The following RNF150 variants were observed in gnomAD, a reference collection of about 807,000 sequenced individuals.
RNF150 encodes the protein ring finger protein 150.
Under a neutral mutation model 39.3 loss-of-function variants are expected in RNF150, and 24 were observed. The observed-to-expected ratio is 0.61, with a 90% confidence interval of 0.44 to 0.86. RNF150 has a LOEUF of 0.86. RNF150 is among the 40% of genes least tolerant of loss of function. The probability of loss-of-function intolerance (pLI) is 0.00; values close to 1 mark genes in which losing one functional copy is unlikely to be tolerated. For missense variants in RNF150, 502 were observed against 587.8 expected (o/e 0.85, Z 1.51); for synonymous variants, 255 against 227.3 (o/e 1.12, Z -1.10).
chr4:141,210,971 C>G (rs1240081509), intron 1 of RNF150, among the ~76,000 whole-genome samples: 1 of 152,134 alleles, frequency 6.6e-6, no homozygotes, highest in African/African-American at 2.4e-5. Flanking sequence ...TTCCCTTCCT[C>G]AATTTTCTTG....
At chr4:140,956,660 C>T (rs958567929) in intron 2 of RNF150, among the ~76,000 whole-genome samples, 2 of 152,120 alleles carry the variant, frequency 1.3e-5, no homozygotes, top group African/African-American at 2.4e-5. Flanking sequence ...AACTATACTA[C>T]AAGGCTACAG....
intron 1 of RNF150, among the ~76,000 whole-genome samples, chr4:141,182,968 G>A: frequency 6.6e-6 from 1 of 151,918 alleles, no homozygotes; most frequent in East Asian, 1.9e-4. Context: ...GCCTGGTACT[G>A]GTACCAAAAC....
intron 6 of RNF150, 119 bp from the exon 7 acceptor site, chr4:140,868,498 A>G: frequency 3.1e-6 from 2 of 654,636 alleles, no homozygotes. Context: ...TATTAGAAAA[A>G]TTGGGTATTC....
intron 1 of RNF150, among the ~76,000 whole-genome samples, chr4:141,162,837 A>G (rs1039598966): frequency 5.3e-5 from 8 of 152,150 alleles, no homozygotes; most frequent in African/African-American, 2.4e-5. Context: ...TCAAGTGCCT[A>G]TGCCACCAGG....
intron 1 of RNF150, among the ~76,000 whole-genome samples, chr4:141,188,029 T>G (rs1040960778): frequency 1.3e-5 from 2 of 152,212 alleles, no homozygotes; most frequent in Non-Finnish European, 2.9e-5. Context: ...AGAGCTCTTG[T>G]AAGGCAAGCC....
chr4:141,032,019 T>TAC (rs1235902916), intron 1 of RNF150, among the ~76,000 whole-genome samples: 1 of 151,732 alleles, frequency 6.6e-6, no homozygotes, highest in Non-Finnish European at 1.5e-5. Flanking sequence ...TGTATATATG[T>TAC]ATATATATAC....
At chr4:140,970,110 T>G (rs915357886) in intron 1 of RNF150, among the ~76,000 whole-genome samples, 1 of 152,156 alleles carries the variant, frequency 6.6e-6, no homozygotes, top group African/African-American at 2.4e-5. Flanking sequence ...CCTCTATGGC[T>G]TCCAGTTTTG....
At chr4:140,968,583 A>C (rs1429190251) in intron 1 of RNF150, among the ~76,000 whole-genome samples, 2 of 151,852 alleles carry the variant, frequency 1.3e-5, no homozygotes, top group Non-Finnish European at 2.9e-5. Context: ...CACAAGGCAC[A>C]TACCAAGCAA....
At chr4:141,090,268 A>G (rs1738529454) in intron 1 of RNF150, among the ~76,000 whole-genome samples, 1 of 152,192 alleles carries the variant, frequency 6.6e-6, no homozygotes, top group Non-Finnish European at 1.5e-5. Context: ...CATTTTCATG[A>G]GAGGGAAGCT....
At chr4:141,012,982 C>T (rs183911643) in intron 1 of RNF150, among the ~76,000 whole-genome samples, 11 of 152,176 alleles carry the variant, frequency 7.2e-5, no homozygotes, top group Admixed American at 7.2e-4. Context: ...CAAATGCAAC[C>T]ATTGGCCCTT....
intron 2 of RNF150, among the ~76,000 whole-genome samples, chr4:140,960,777 A>G (rs868116047): frequency 6.6e-6 from 1 of 152,140 alleles, no homozygotes; most frequent in African/African-American, 2.4e-5. Flanking sequence ...TGTAGACTAA[A>G]CTATATGTAA....
chr4:141,116,520 G>C (rs1024990077), intron 1 of RNF150, among the ~76,000 whole-genome samples: 4 of 152,186 alleles, frequency 2.6e-5, no homozygotes, highest in Middle Eastern at 3.2e-3. Context: ...GGAGAAACAG[G>C]AATGCTTTTA....
chr4:140,881,755 C>T (rs997602687), intron 6 of RNF150, among the ~76,000 whole-genome samples: 1 of 152,042 alleles, frequency 6.6e-6, no homozygotes, highest in South Asian at 2.1e-4. Context: ...GTGACATGTA[C>T]CTGCAGTCCC....
At chr4:141,015,123 G>A (rs1488929378) in intron 1 of RNF150, among the ~76,000 whole-genome samples, 1 of 152,118 alleles carries the variant, frequency 6.6e-6, no homozygotes, top group Admixed American at 6.5e-5. Flanking sequence ...TAAATAAGGT[G>A]ACTATAAAGG....
At chr4:140,932,286 A>G (rs7658326) in intron 4 of RNF150, among the ~76,000 whole-genome samples, 21,971 of 152,268 alleles carry the variant, frequency 0.14, 1,904 homozygotes, top group East Asian at 0.33. Flanking sequence ...ATTAATGAAC[A>G]CTGACATTAA....
rs562676434 is a variant in RNF150, at chr4:141,044,578, G to T, written c.485-76705C>A. ...TATTTTAGAAGTGAAAAAGAAAATGGCAGGAAAAAACCTTGTCTTGGACTG... is the reference window on the plus strand; with the variant it reads ...TATTTTAGAAGTGAAAAAGAAAATGTCAGGAAAAAACCTTGTCTTGGACTG... On this transcript the variant is annotated intron_variant, in intron 1 of 6. Coordinates refer to ENST00000515673, the MANE Select transcript of RNF150 (RefSeq NM_020724.2). 2.6e-5 allele frequency among the ~76,000 whole-genome samples: 4 copies of T among 152,222 alleles called. No homozygotes were observed. In the East Asian group the frequency reaches 5.8e-4, roughly 22 times the overall value.
intron 4 of RNF150, among the ~76,000 whole-genome samples, chr4:140,930,941 G>GT (rs1731610748): frequency 6.8e-6 from 1 of 148,070 alleles, no homozygotes; most frequent in South Asian, 2.1e-4. Flanking sequence ...GATCTGCTGG[G>GT]GTTTTTTTTT....
intron 1 of RNF150, among the ~76,000 whole-genome samples, chr4:140,969,978 C>T (rs1579014834): frequency 1.3e-5 from 2 of 151,798 alleles, no homozygotes; most frequent in African/African-American, 2.4e-5. Context: ...TGGCCAGGCT[C>T]GTCTTGAACT....
At chr4:141,141,536 T>A (rs1164627207) in intron 1 of RNF150, among the ~76,000 whole-genome samples, 1 of 152,220 alleles carries the variant, frequency 6.6e-6, no homozygotes, top group East Asian at 1.9e-4. Flanking sequence ...TGTGAATGGT[T>A]CATGCCTGTA....
Sources: gnomAD v4.1 joint callset for allele counts (sites outside exome capture counted in the v4.1 genomes callset) on GRCh38, gnomAD v4.1.1 for gene constraint, MANE v1.5 for transcripts, NCBI Gene and HGNC (gene_info 2026-07-23, HGNC 2026-07-21) for gene names.